The following DUOX2 variants were observed in gnomAD, a reference collection of about 807,000 sequenced individuals.
DUOX2 encodes the protein dual oxidase 2, also known as NADH/NADPH thyroid oxidase p138-tox.
Under a neutral mutation model 183.3 loss-of-function variants are expected in DUOX2, and 185 were observed. That is an observed-to-expected ratio of 1.01 (90% CI 0.90 to 1.14). The LOEUF is 1.14. DUOX2 is among the 50% of genes most tolerant of loss of function. DUOX2 has a pLI of 0.00. For missense variants in DUOX2, 1,999 were observed against 2,022.9 expected (o/e 0.99, Z 0.23); for synonymous variants, 788 against 812.4 (o/e 0.97, Z 0.51).
At chr15:45,103,642 A>G (rs1894137440) in intron 20 of DUOX2, among the ~76,000 whole-genome samples, 1 of 152,180 alleles carries the variant, frequency 6.6e-6, no homozygotes, top group South Asian at 2.1e-4. Context: ...ATAGTTCACA[A>G]AGATCCAAGG....
At chr15:45,113,930 T>C (rs1311332682) in intron 1 of DUOX2, 43 bp downstream of exon 1, 2 of 199,502 alleles carry the variant, frequency 1.0e-5, no homozygotes, top group African/African-American at 4.6e-5. Context: ...CGCCTGTGCA[T>C]GATGGGCGAG....
chr15:45,113,503 C>A, intron 1 of DUOX2, 78 bp from the exon 2 acceptor site: 1 of 1,151,020 alleles, frequency 8.7e-7, no homozygotes, highest in Admixed American at 2.0e-5. Context: ...CCCTCTTGTT[C>A]CTACAGCTAG....
At position 45,108,836 on chromosome 15, in the gene DUOX2, C is replaced by T. The variant is rs139786814; in HGVS notation, c.1351G>A (p.Asp451Asn). The change falls in exon 12 of 34, where the codon GAC becomes AAC. Residue 451 changes from aspartate (D) to asparagine (N), a missense_variant. By Grantham distance (23) the Asp-to-Asn change is conservative (BLOSUM62 1). Coordinates refer to ENST00000389039, the MANE Select transcript of DUOX2 (RefSeq NM_001363711.2). Reference sequence around the variant, plus strand: ...AGATCACTCCAGTTCCTTGGGATGTCCAGCCCAAAGGCCAGCAGGGCCTGG... The same window carrying T: ...AGATCACTCCAGTTCCTTGGGATGTTCAGCCCAAAGGCCAGCAGGGCCTGG... ...YSQALLAFGL[D>N]IPRNWSDLNP... The T allele has an allele frequency of 3.2e-4, 519 of 1,614,206 alleles. 1 individual carries two copies. The African/African-American group carries it at 6.4e-3, about 20-fold the overall frequency.
At chr15:45,103,413 T>G (rs911131176) in intron 20 of DUOX2, among the ~76,000 whole-genome samples, 9 of 152,210 alleles carry the variant, frequency 5.9e-5, no homozygotes, top group Admixed American at 3.3e-4. Context: ...TACTGACGCA[T>G]TCATTGTCTT....
chr15:45,105,584 C>T, intron 18 of DUOX2, 59 bp downstream of exon 18: 1 of 1,608,030 alleles, frequency 6.2e-7, no homozygotes, highest in Non-Finnish European at 8.5e-7. Flanking sequence ...TTCTATGCAG[C>T]CCAGGTTTCC....
intron 20 of DUOX2, 105 bp from the exon 21 acceptor site, chr15:45,102,094 C>A: frequency 2.1e-6 from 3 of 1,422,942 alleles, no homozygotes; most frequent in Non-Finnish European, 2.9e-6. Flanking sequence ...TTACCAGTGA[C>A]CCGGGAAATG....
rs755241413 is a variant in DUOX2, at chr15:45,110,704, C to A, written c.889G>T (p.Ala297Ser). 4.3e-6 allele frequency: 7 copies of A among 1,612,200 alleles called. No individual in the cohort carries two copies. The highest frequency in any genetic ancestry group is 5.9e-6 in the Non-Finnish European group (7 of 1,179,906). Residue 297 changes from alanine to serine, a missense_variant, in exon 8 of 34, where the codon GCT becomes TCT. Ala to Ser is a moderately conservative substitution (Grantham distance 99). Coordinates refer to ENST00000389039, the MANE Select transcript of DUOX2 (RefSeq NM_001363711.2). ...KRVIATYQNIAVYEWLPSFLQ... is the reference protein window; with the variant it reads ...KRVIATYQNISVYEWLPSFLQ... ...AAGCTGGGCAGCCACTCATACACAG[C>A]GATGTTCTGAGGGGCAGAGAGGGGC...
At position 45,095,897 on chromosome 15, in the gene DUOX2, C is replaced by T. The variant is rs751706037; in HGVS notation, c.4011G>A (p.Gly1337=). 2.5e-6 allele frequency: 4 copies of T among 1,612,448 alleles called. No homozygotes were observed. The highest frequency in any genetic ancestry group is 1.1e-5 in the South Asian group (1 of 90,992). Residue 1337 remains glycine (G), a synonymous_variant, in exon 30 of 34, where the codon GGG becomes GGA. Transcript: ENST00000389039. The part of the protein sequence containing the change: ...DTLSLHIRAV[G]PWTTRLREIY... The stretch of plus-strand genomic sequence containing the variant: ...TCTCCCTGAGGCGAGTGGTCCAGGG[C>T]CCCACTGCCCGGATGTGCAGGCTGA...
rs1285226358 is a variant in DUOX2 at position 45,105,806 on chromosome 15, T to A, written c.2171A>T (p.Glu724Val). Residue 724 changes from glutamate (E) to valine (V), a missense_variant, in exon 18 of 34, where the codon GAG becomes GTG. By Grantham distance (121) the Glu-to-Val change is moderately radical (BLOSUM62 -2). Coordinates refer to ENST00000389039, the MANE Select transcript of DUOX2 (RefSeq NM_001363711.2). Reference protein sequence around the residue: ...YDLVLLFSSEEERGAFVQQLW... With the variant: ...YDLVLLFSSEVERGAFVQQLW... ...CTGCTGCACAAAGGCGCCCCGTTCC[T>A]CTTCAGAACTAAACAGCAGCACCTG... The A allele has an allele frequency of 6.2e-7, 1 of 1,614,126 alleles. No homozygotes were observed. The highest frequency in any genetic ancestry group is 1.1e-5 in the South Asian group (1 of 91,084).
intron 9 of DUOX2, among the ~76,000 whole-genome samples, 180 bp downstream of exon 9, chr15:45,110,248 T>C (rs1485351625): frequency 6.6e-6 from 1 of 152,144 alleles, no homozygotes; most frequent in East Asian, 1.9e-4. Context: ...TTAGGAGAGC[T>C]GGAGAGATTT....
intron 12 of DUOX2, 186 bp from the exon 13 acceptor site, chr15:45,108,408 C>T (rs890000815): frequency 6.4e-5 from 45 of 701,326 alleles, no homozygotes; most frequent in African/African-American, 2.7e-4. Flanking sequence ...TCCCTACCCA[C>T]GGTAACACCA....
Position 45,108,859 on chromosome 15 carries a change from T to C in DUOX2, c.1328A>G (p.Gln443Arg), listed in dbSNP as rs1393584267. ...GTCCAGCCCAAAGGCCAGCAGGGCC[T>C]GGCTATAGCTGGGCAGCCCCATATC... ...GRDMGLPSYS[Q>R]ALLAFGLDIP... Residue 443 changes from glutamine (Q) to arginine (R), a missense_variant, in exon 12 of 34, where the codon CAG (glutamine) becomes CGG (arginine). Physicochemically the swap from Gln to Arg is conservative, Grantham distance 43. This residue lies in a region of DUOX2 where 1,628 missense variants were observed against 1,608.6 expected (regional missense o/e 1.01). Transcript: ENST00000389039. 3 of 1,614,128 alleles carry C rather than the reference T, an allele frequency of 1.9e-6. No homozygotes were observed. In the African/African-American group the frequency reaches 4.0e-5, roughly 22 times the overall value.
chr15:45,113,158 C>T, intron 2 of DUOX2, 82 bp from the exon 3 acceptor site: 1 of 1,516,220 alleles, frequency 6.6e-7, no homozygotes, highest in Non-Finnish European at 9.0e-7. Flanking sequence ...CCAGTCCTTC[C>T]CCAGCTCGCG....
At chr15:45,110,579 C>G in intron 8 of DUOX2, 55 bp from the exon 9 acceptor site, 1 of 1,613,862 alleles carries the variant, frequency 6.2e-7, no homozygotes, top group East Asian at 2.2e-5. Context: ...TCCACATCCT[C>G]CCATCACAGG....
At chr15:45,112,092 G>A (rs1894442808) in intron 4 of DUOX2, 137 bp from the exon 5 acceptor site, 2 of 991,462 alleles carry the variant, frequency 2.0e-6, no homozygotes, top group Admixed American at 2.4e-5. Flanking sequence ...CTGCACGTTA[G>A]CCCCAGGTAG....
intron 11 of DUOX2, 80 bp from the exon 12 acceptor site, chr15:45,109,032 G>T: frequency 6.4e-7 from 1 of 1,559,170 alleles, no homozygotes; most frequent in Non-Finnish European, 8.8e-7. Flanking sequence ...CTGACTATTG[G>T]CACTACGGTT....
In DUOX2 at chr15:45,112,601, G is replaced by C. The variant is rs766731683; in HGVS notation, c.278C>G (p.Ala93Gly). 1 of 1,612,896 alleles carries C rather than the reference G, an allele frequency of 6.2e-7. No homozygotes were observed. The highest frequency in any genetic ancestry group is 8.5e-7 in the Non-Finnish European group (1 of 1,179,768). The change falls in exon 4 of 34, where the codon GCC (alanine) becomes GGC (glycine). Residue 93 changes from alanine (A) to glycine (G), a missense_variant. Coordinates refer to ENST00000389039, the MANE Select transcript of DUOX2 (RefSeq NM_001363711.2). ...RLSNAATRGI[A>G]GLPSLHNRTV... The stretch of plus-strand genomic sequence containing the variant: ...GCGGTTGTGGAGCGACGGCAGGCCG[G>C]CTATGCCCCGCGTGGCTGCGTTGCT...
In DUOX2 at chr15:45,112,696, T is replaced by TACG. The variant is rs1421669075; in HGVS notation, c.180_182dup (p.Val61dup). 1 of 1,612,150 alleles carries TACG rather than the reference T, an allele frequency of 6.2e-7. No homozygotes were observed. Among genetic ancestry groups the TACG allele is most frequent in the Non-Finnish European group, 8.5e-7 (1 of 1,179,868 alleles). On this transcript the variant is annotated inframe_insertion, in exon 4 of 34. Transcript: ENST00000389039. The stretch of plus-strand genomic sequence containing the variant: ...ACACACCGTCGGCGTAATTGGCTGG[T>TACG]ACGCGGCGCTGCAACCGGCAGCCTG...
intron 1 of DUOX2, among the ~76,000 whole-genome samples, chr15:45,113,691 G>C (rs1242761848): frequency 1.3e-5 from 2 of 152,120 alleles, no homozygotes; most frequent in Non-Finnish European, 2.9e-5. Flanking sequence ...GGAACCCACT[G>C]GGCAGGAGTC....
Sources: allele counts gnomAD v4.1 joint callset (sites outside exome capture counted in the v4.1 genomes callset), GRCh38; gene constraint gnomAD v4.1.1; regional missense constraint gnomAD v4.1.1; transcripts MANE v1.5; gene names NCBI Gene and HGNC (gene_info 2026-07-23, HGNC 2026-07-21).